CALD1: variants seen among roughly 807,000 people sequenced by gnomAD.
CALD1 encodes caldesmon 1.
CALD1 carries 33 observed loss-of-function variants against 99.9 expected under a neutral mutation model. The observed-to-expected ratio is 0.33, with a 90% confidence interval of 0.25 to 0.44. The LOEUF (loss-of-function observed/expected upper bound fraction) is 0.44, where lower values mean the gene tolerates loss of function less well. Ranked by LOEUF, CALD1 falls within the 20% of genes least tolerant of loss-of-function variation. CALD1 has a pLI of 1.00. For synonymous variants in CALD1, 310 were observed against 325.0 expected, an observed-to-expected ratio of 0.95 and a Z score of 0.50; for missense variants, 861 against 962.1, an observed-to-expected ratio of 0.89 and a Z score of 1.39.
rs568797727 is a variant in CALD1 at position 134,834,368 on chromosome 7, A to G, written c.-129-9516A>G. On this transcript the variant is annotated intron_variant, in intron 1 of 14. Transcript: ENST00000361675. ...TAGAAATCGAGCAGTGGATTCTTCC[A>G]ATATCCAAAAACAGATGTAGTGATT... Among the ~76,000 whole-genome samples the G allele has an allele frequency of 2.6e-5, 4 of 152,350 alleles. No homozygotes were observed. In the South Asian group the frequency reaches 6.2e-4, roughly 24 times the overall value.
intron 9 of CALD1, among the ~76,000 whole-genome samples, chr7:134,957,437 T>A (rs1377245156): frequency 2.7e-5 from 4 of 150,772 alleles, no homozygotes; most frequent in Admixed American, 6.6e-5. Context: ...TTGTTTGTTT[T>A]GAGACAGATG....
chr7:134,891,450 A>G, intron 3 of CALD1: 1 of 1,331,484 alleles, frequency 7.5e-7, no homozygotes, highest in Non-Finnish European at 9.7e-7. Flanking sequence ...GACTTTCGTC[A>G]CAGGGACAGA....
the CALD1 span, among the ~76,000 whole-genome samples, chr7:134,736,935 C>G: frequency 6.6e-6 from 1 of 152,090 alleles, no homozygotes; most frequent in Non-Finnish European, 1.5e-5. Flanking sequence ...TTTTTCTGTG[C>G]TACCTTCACT....
At chr7:134,897,920 G>A (rs1464843221) in intron 3 of CALD1, among the ~76,000 whole-genome samples, 1 of 151,898 alleles carries the variant, frequency 6.6e-6, no homozygotes, top group Non-Finnish European at 1.5e-5. Context: ...TATTGCCCAT[G>A]CTGGTCTCAA....
At chr7:134,754,324 C>T (rs549888865) in intron 1 of CALD1, among the ~76,000 whole-genome samples, 78 of 152,304 alleles carry the variant, frequency 5.1e-4, no homozygotes, top group Non-Finnish European at 9.6e-4. Context: ...TTAGCATTGG[C>T]CACTGTCGCT....
At chr7:134,820,526 GA>G (rs1798734047) in intron 1 of CALD1, among the ~76,000 whole-genome samples, 1 of 152,180 alleles carries the variant, frequency 6.6e-6, no homozygotes, top group Non-Finnish European at 1.5e-5. Context: ...CAAAATATTT[GA>G]AGTAACGTCA....
At chr7:134,795,912 G>C (rs1797727801) in intron 1 of CALD1, among the ~76,000 whole-genome samples, 1 of 152,244 alleles carries the variant, frequency 6.6e-6, no homozygotes, top group South Asian at 2.1e-4. Context: ...CCAGCCTGGA[G>C]CCACTGACCC....
chr7:134,964,650 G>C (rs1167998177), intron 13 of CALD1, among the ~76,000 whole-genome samples: 1 of 152,176 alleles, frequency 6.6e-6, no homozygotes, highest in Non-Finnish European at 1.5e-5. Context: ...CACTAAAGTA[G>C]TAAGGGCTGG....
chr7:134,748,708 T>TACCC (rs1562988094), intron 1 of CALD1, among the ~76,000 whole-genome samples: 2 of 132,272 alleles, frequency 1.5e-5, no homozygotes, highest in Non-Finnish European at 3.2e-5. Flanking sequence ...TGAAACTCCA[T>TACCC]CCCCCCGCCC....
chr7:134,851,044 T>A (rs542208220), intron 2 of CALD1, among the ~76,000 whole-genome samples: 21 of 152,348 alleles, frequency 1.4e-4, no homozygotes, highest in African/African-American at 5.1e-4. Flanking sequence ...CAATTAAACA[T>A]CTTTCCTTTA....
At chr7:134,932,028 C>G (rs950295407) in intron 4 of CALD1, among the ~76,000 whole-genome samples, 3 of 152,196 alleles carry the variant, frequency 2.0e-5, no homozygotes, top group African/African-American at 7.2e-5. Flanking sequence ...CTCTCAATCC[C>G]TAGGGCTTGG....
At chr7:134,789,387 C>T (rs1797434233) in intron 1 of CALD1, among the ~76,000 whole-genome samples, 4 of 152,170 alleles carry the variant, frequency 2.6e-5, no homozygotes, top group Non-Finnish European at 1.5e-5. Context: ...CTCCACGTCA[C>T]TGAGACTCCT....
At chr7:134,762,262 C>G (rs924975775) in intron 1 of CALD1, among the ~76,000 whole-genome samples, 1 of 152,206 alleles carries the variant, frequency 6.6e-6, no homozygotes, top group African/African-American at 2.4e-5. Context: ...GCTCTCCTTG[C>G]CACTCCAGCC....
chr7:134,903,707 T>C (rs1042618151), intron 3 of CALD1, among the ~76,000 whole-genome samples: 1 of 152,110 alleles, frequency 6.6e-6, no homozygotes, highest in African/African-American at 2.4e-5. Context: ...ATGTCCCCTT[T>C]TGATAAGGAC....
chr7:134,784,858 T>A (rs1036223081), intron 1 of CALD1, among the ~76,000 whole-genome samples: 2 of 152,184 alleles, frequency 1.3e-5, no homozygotes, highest in Non-Finnish European at 2.9e-5. Context: ...AGCGCACGTG[T>A]CTGCCTCTTT....
At chr7:134,826,572 T>C (rs1038078962) in intron 1 of CALD1, among the ~76,000 whole-genome samples, 5 of 152,172 alleles carry the variant, frequency 3.3e-5, no homozygotes, top group African/African-American at 1.2e-4. Flanking sequence ...GACTTAAAAT[T>C]GAGGTCTTTT....
intron 1 of CALD1, among the ~76,000 whole-genome samples, chr7:134,839,558 C>T (rs1799570767): frequency 6.6e-6 from 1 of 152,152 alleles, no homozygotes; most frequent in South Asian, 2.1e-4. Flanking sequence ...TGCTCACCAC[C>T]ATTTTGATTT....
At chr7:134,772,835 C>T (rs193126251) in intron 1 of CALD1, among the ~76,000 whole-genome samples, 5 of 105,524 alleles carry the variant, frequency 4.7e-5, no homozygotes, top group African/African-American at 1.4e-4. Context: ...CCACTGCTGC[C>T]GTCTCTAATG....
intron 3 of CALD1, among the ~76,000 whole-genome samples, chr7:134,888,295 T>G (rs1442756842): frequency 6.6e-6 from 1 of 152,204 alleles, no homozygotes; most frequent in African/African-American, 2.4e-5. Context: ...CCTATTATCT[T>G]GCTGAAGGAT....
Sources: allele counts gnomAD v4.1 joint callset (sites outside exome capture counted in the v4.1 genomes callset), GRCh38; gene constraint gnomAD v4.1.1; transcripts MANE v1.5; gene names NCBI Gene and HGNC (gene_info 2026-07-23, HGNC 2026-07-21).